The following CLNK variants were observed in gnomAD, a reference collection of about 807,000 sequenced individuals.
The protein encoded by CLNK is cytokine dependent hematopoietic cell linker.
A neutral mutation model predicts 68.6 loss-of-function variants in CLNK; 74 were observed. The observed-to-expected ratio is 1.08, with a 90% CI of 0.89 to 1.31. The LOEUF is 1.31. CLNK is among the 50% of genes most tolerant of loss of function. The pLI, the probability that CLNK is intolerant of heterozygous loss-of-function variation, is 0.00. For synonymous variants in CLNK, 198 were observed against 172.2 expected, an observed-to-expected ratio of 1.15 and a Z score of -1.17; for missense variants, 553 against 515.3, an observed-to-expected ratio of 1.07 and a Z score of -0.71.
intron 2 of CLNK, among the ~76,000 whole-genome samples, chr4:10,611,548 G>T (rs1351707330): frequency 1.3e-5 from 2 of 150,616 alleles, no homozygotes. Context: ...CAGGGAAGCT[G>T]GGAGGGGCCT....
intron 2 of CLNK, among the ~76,000 whole-genome samples, chr4:10,624,941 A>T (rs1374169153): frequency 6.6e-6 from 1 of 152,162 alleles, no homozygotes; most frequent in African/African-American, 2.4e-5. Flanking sequence ...CGTTTTCTCG[A>T]TTCTGTTTCC....
At chr4:10,584,356 A>G (rs1395690236) in intron 4 of CLNK, among the ~76,000 whole-genome samples, 2 of 152,096 alleles carry the variant, frequency 1.3e-5, no homozygotes, top group Non-Finnish European at 1.5e-5. Flanking sequence ...CAGTCATTCT[A>G]TCTAGACACC....
intron 15 of CLNK, among the ~76,000 whole-genome samples, chr4:10,516,213 G>A (rs1437556387): frequency 6.6e-6 from 1 of 151,996 alleles, no homozygotes; most frequent in Non-Finnish European, 1.5e-5. Context: ...CATTATGTAA[G>A]TAAAATACTA....
At chr4:10,518,894 A>G (rs1226881948) in intron 15 of CLNK, among the ~76,000 whole-genome samples, 1 of 152,206 alleles carries the variant, frequency 6.6e-6, no homozygotes, top group Non-Finnish European at 1.5e-5. Context: ...TTTTCTGCCT[A>G]CTTAACATCA....
chr4:10,600,188 C>T (rs1721540018), intron 2 of CLNK, among the ~76,000 whole-genome samples: 1 of 151,966 alleles, frequency 6.6e-6, no homozygotes, highest in Non-Finnish European at 1.5e-5. Flanking sequence ...TCTAATTATT[C>T]TTTTTGCCTC....
rs1183390732 is a variant in CLNK, at chr4:10,513,591, C to G, written c.779G>C (p.Arg260Thr). ...AGGAGAACAGGGCTGCATGCCTCCT[C>G]TATGATCTGGAAAGGTTAAATTCAC... Reference protein sequence around the residue: ...SNHSVQNRDHRGGMQPCSPQR... With the variant: ...SNHSVQNRDHTGGMQPCSPQR... The change falls in exon 16 of 19, where the codon AGA (arginine) becomes ACA (threonine). Residue 260 changes from arginine to threonine, a missense_variant. Coordinates refer to ENST00000226951, the MANE Select transcript of CLNK (RefSeq NM_052964.4). 1.1e-5 allele frequency: 18 copies of G among 1,597,976 alleles called. No homozygotes were observed. In the Admixed American group the frequency reaches 2.8e-4, roughly 25 times the overall value.
intron 1 of CLNK, among the ~76,000 whole-genome samples, chr4:10,673,234 G>A (rs148527311): frequency 6.6e-6 from 1 of 152,238 alleles, no homozygotes; most frequent in African/African-American, 2.4e-5. Context: ...CTAGGAATTA[G>A]AGAGCATAGA....
the CLNK span, among the ~76,000 whole-genome samples, chr4:10,730,345 C>T: frequency 5.3e-5 from 8 of 152,292 alleles, no homozygotes; most frequent in South Asian, 2.1e-4. Flanking sequence ...GTTTCCCTCA[C>T]CTTCAATGTT....
intron 1 of CLNK, among the ~76,000 whole-genome samples, chr4:10,677,404 A>T (rs1724917003): frequency 6.6e-6 from 1 of 152,174 alleles, no homozygotes. Context: ...TTAAAATCCA[A>T]AGGAGAAACA....
At chr4:10,505,088 A>G (rs1007593381) in intron 17 of CLNK, among the ~76,000 whole-genome samples, 1 of 152,324 alleles carries the variant, frequency 6.6e-6, no homozygotes, top group East Asian at 1.9e-4. Context: ...GACGGAAAAC[A>G]GGCTCTGTGA....
intron 3 of CLNK, among the ~76,000 whole-genome samples, chr4:10,588,177 A>G (rs1263943589): frequency 6.6e-6 from 1 of 152,216 alleles, no homozygotes; most frequent in Non-Finnish European, 1.5e-5. Flanking sequence ...TCAAAGGCAG[A>G]GCATCCAACG....
chr4:10,579,935 C>G (rs1263243981), intron 4 of CLNK, among the ~76,000 whole-genome samples: 3 of 152,204 alleles, frequency 2.0e-5, no homozygotes, highest in Non-Finnish European at 2.9e-5. Flanking sequence ...AATCAGGCAC[C>G]ACCTCCTCCA....
intron 2 of CLNK, among the ~76,000 whole-genome samples, chr4:10,604,796 T>C (rs1721725601): frequency 2.0e-5 from 3 of 152,342 alleles, no homozygotes; most frequent in Middle Eastern, 3.4e-3. Context: ...TCCCCACCTA[T>C]TCACTGCCTT....
chr4:10,685,096 G>A (rs986028016), upstream of CLNK: 1 of 152,100 alleles, frequency 6.6e-6, no homozygotes, highest in Non-Finnish European at 1.5e-5. Flanking sequence ...TATGAATAGT[G>A]GACATTAACT....
chr4:10,504,277 C>T (rs547413981), intron 17 of CLNK, among the ~76,000 whole-genome samples: 3 of 151,962 alleles, frequency 2.0e-5, no homozygotes, highest in East Asian at 1.9e-4. Flanking sequence ...CCCGCCACCA[C>T]GCCCGGCTAA....
At chr4:10,524,639 C>G (rs1404365249) in intron 14 of CLNK, among the ~76,000 whole-genome samples, 2 of 152,160 alleles carry the variant, frequency 1.3e-5, no homozygotes, top group African/African-American at 4.8e-5. Flanking sequence ...CTGAACAGTG[C>G]TTGGGCTTTG....
chr4:10,605,518 T>TA, intron 2 of CLNK, among the ~76,000 whole-genome samples: 1 of 151,936 alleles, frequency 6.6e-6, no homozygotes, highest in Non-Finnish European at 1.5e-5. Flanking sequence ...AAAAATAAGT[T>TA]AAAAAAAGAT....
In CLNK at chr4:10,626,673, T is replaced by C. The variant is rs145657465; in HGVS notation, c.12-28624A>G. Among the ~76,000 whole-genome samples the C allele has an allele frequency of 5.5e-3, 832 of 152,338 alleles. 11 individuals carry two copies. The highest frequency in any genetic ancestry group is 0.019 in the African/African-American group (794 of 41,578). ...TACTAATTTTTTGGTAAAAAATACA[T>C]GCATTAGGATATATGCACTATGAGA... On this transcript the variant is annotated intron_variant, in intron 2 of 18. Transcript: ENST00000226951.
intron 3 of CLNK, among the ~76,000 whole-genome samples, chr4:10,586,786 C>T (rs1407151616): frequency 1.3e-5 from 2 of 152,162 alleles, no homozygotes; most frequent in East Asian, 3.8e-4. Flanking sequence ...TGTATCTCAC[C>T]ACCATTAAAT....
Sources: allele counts gnomAD v4.1 joint callset (sites outside exome capture counted in the v4.1 genomes callset), GRCh38; gene constraint gnomAD v4.1.1; transcripts MANE v1.5; gene names NCBI Gene and HGNC (gene_info 2026-07-23, HGNC 2026-07-21).